BANK1: variants seen among roughly 807,000 people sequenced by gnomAD.
The protein encoded by BANK1 is B cell scaffold protein with ankyrin repeats 1, also known as B-cell scaffold protein with ankyrin repeats.
In BANK1, 95 loss-of-function variants were observed where a neutral mutation model predicts 94.5. The ratio of observed to expected loss-of-function variants is 1.00; its 90% CI spans 0.85 to 1.19. The LOEUF (loss-of-function observed/expected upper bound fraction) is 1.19. Ranked by LOEUF, BANK1 falls within the 50% of genes most tolerant of loss-of-function variation. BANK1 has a pLI of 0.00. For synonymous variants in BANK1, 334 were observed against 308.4 expected (o/e 1.08, Z -0.87); for missense variants, 987 against 932.2 (o/e 1.06, Z -0.77).
chr4:102,031,427 A>G (rs1159706227), intron 10 of BANK1, among the ~76,000 whole-genome samples: 1 of 152,104 alleles, frequency 6.6e-6, no homozygotes, highest in Non-Finnish European at 1.5e-5. Flanking sequence ...TGCTGTGCAG[A>G]AGCGCTTTAG....
intron 1 of BANK1, among the ~76,000 whole-genome samples, chr4:101,814,277 A>G (rs767854376): frequency 9.2e-5 from 14 of 152,292 alleles, no homozygotes; most frequent in Non-Finnish European, 1.9e-4. Context: ...AGCCCATGAA[A>G]AGTATTCAGG....
chr4:101,797,762 A>C (rs1306677369), intron 1 of BANK1, among the ~76,000 whole-genome samples: 1 of 152,196 alleles, frequency 6.6e-6, no homozygotes, highest in Non-Finnish European at 1.5e-5. Flanking sequence ...CAGATCTGTT[A>C]CATTTGAGGA....
chr4:101,962,972 TG>T (rs1043182040), intron 7 of BANK1, among the ~76,000 whole-genome samples: 3 of 152,128 alleles, frequency 2.0e-5, no homozygotes, highest in African/African-American at 7.2e-5. Context: ...AGCCTCAAAA[TG>T]TACAAATTTG....
At chr4:101,802,561 A>G (rs1030771373) in intron 1 of BANK1, among the ~76,000 whole-genome samples, 1 of 152,218 alleles carries the variant, frequency 6.6e-6, no homozygotes, top group African/African-American at 2.4e-5. Context: ...AGCACACATT[A>G]CATTTCTGCT....
intron 5 of BANK1, among the ~76,000 whole-genome samples, chr4:101,893,155 C>A (rs1721937165): frequency 6.6e-6 from 1 of 151,880 alleles, no homozygotes; most frequent in Non-Finnish European, 1.5e-5. Flanking sequence ...ATTCTGAATA[C>A]ATTGCTACTT....
chr4:101,805,806 A>G (rs548156424), intron 1 of BANK1, among the ~76,000 whole-genome samples: 22 of 151,838 alleles, frequency 1.4e-4, no homozygotes, highest in African/African-American at 4.8e-4. Context: ...TGGTTTGTGG[A>G]AGAGCTTCAT....
chr4:101,864,385 A>G (rs1251803334), intron 4 of BANK1, among the ~76,000 whole-genome samples: 1 of 152,238 alleles, frequency 6.6e-6, no homozygotes, highest in East Asian at 1.9e-4. Flanking sequence ...ACTACATTTT[A>G]CATCATGACC....
intron 4 of BANK1, among the ~76,000 whole-genome samples, chr4:101,868,695 T>C (rs1400929347): frequency 6.6e-6 from 1 of 151,896 alleles, no homozygotes; most frequent in African/African-American, 2.4e-5. Flanking sequence ...TGAGAGGCTG[T>C]AAAATACAGT....
intron 2 of BANK1, among the ~76,000 whole-genome samples, chr4:101,847,736 T>TACACACACACACACACACACACACACAC (rs35196238): frequency 2.9e-4 from 42 of 145,876 alleles, no homozygotes; most frequent in African/African-American, 1.0e-3. Flanking sequence ...TATTCCATCA[T>TACACACACACACACACACACACACACAC]ACACACACAC....
chr4:101,810,660 T>C (rs1725707996), intron 1 of BANK1, among the ~76,000 whole-genome samples: 1 of 152,130 alleles, frequency 6.6e-6, no homozygotes, highest in Admixed American at 6.5e-5. Context: ...CAATCAGTGG[T>C]TTTATCAATT....
chr4:101,996,040 G>C (rs1725867888), intron 7 of BANK1, among the ~76,000 whole-genome samples: 1 of 151,594 alleles, frequency 6.6e-6, no homozygotes, highest in Non-Finnish European at 1.5e-5. Flanking sequence ...GTCCTGCAGG[G>C]TATTGCCTAG....
At chr4:102,006,472 T>A (rs1389614830) in intron 7 of BANK1, among the ~76,000 whole-genome samples, 2 of 152,036 alleles carry the variant, frequency 1.3e-5, no homozygotes, top group Non-Finnish European at 2.9e-5. Context: ...TATCTGATGC[T>A]GTTCCTCATC....
At chr4:102,057,706 G>GGTGTGACATCACATTGATACTTATA (rs1222736463) in intron 11 of BANK1, among the ~76,000 whole-genome samples, 1 of 152,042 alleles carries the variant, frequency 6.6e-6, no homozygotes. Context: ...GGTACAGTAT[G>GGTGTGACATCACATTGATACTTATA]GTGTGACATC....
At chr4:102,007,064 A>T (rs369778041) in intron 7 of BANK1, among the ~76,000 whole-genome samples, 48 of 111,562 alleles carry the variant, frequency 4.3e-4, no homozygotes, top group East Asian at 2.2e-3. Context: ...TAAAATATAT[A>T]ATTTTATATA....
At chr4:101,950,066 T>TGC (rs1271693112) in intron 7 of BANK1, among the ~76,000 whole-genome samples, 2 of 121,896 alleles carry the variant, frequency 1.6e-5, no homozygotes, top group South Asian at 2.6e-4. Context: ...TGTGTGCGCG[T>TGC]GCGCGCGCAT....
intron 1 of BANK1, among the ~76,000 whole-genome samples, chr4:101,803,355 T>C (rs1218971518): frequency 2.0e-5 from 3 of 152,152 alleles, no homozygotes; most frequent in East Asian, 3.9e-4. Flanking sequence ...GGCTATAGTA[T>C]AGGGAAATTG....
intron 7 of BANK1, among the ~76,000 whole-genome samples, chr4:102,010,263 T>C (rs1008673701): frequency 2.0e-5 from 3 of 151,816 alleles, no homozygotes; most frequent in Non-Finnish European, 4.4e-5. Flanking sequence ...AAACTCCATC[T>C]CAAAAACAAA....
intron 1 of BANK1, among the ~76,000 whole-genome samples, chr4:101,829,377 A>G (rs1452199754): frequency 6.6e-6 from 1 of 151,040 alleles, no homozygotes; most frequent in East Asian, 1.9e-4. Context: ...AACTAAATAT[A>G]TCGTATTTTC....
chr4:102,023,247 T>C (rs1430892143), intron 8 of BANK1, among the ~76,000 whole-genome samples: 2 of 152,182 alleles, frequency 1.3e-5, no homozygotes, highest in Non-Finnish European at 2.9e-5. Context: ...TTCACTAGCA[T>C]ACTTTGGCAA....
Sources: allele counts gnomAD v4.1 joint callset (sites outside exome capture counted in the v4.1 genomes callset), GRCh38; gene constraint gnomAD v4.1.1; transcripts MANE v1.5; gene names NCBI Gene and HGNC (gene_info 2026-07-23, HGNC 2026-07-21).